DOP1B: variants seen among roughly 807,000 people sequenced by gnomAD.
The protein encoded by DOP1B is protein DOP1B.
DOP1B carries 174 observed loss-of-function variants against 233.5 expected under a neutral mutation model. The ratio of observed to expected loss-of-function variants is 0.75; its 90% confidence interval spans 0.66 to 0.85. The LOEUF (loss-of-function observed/expected upper bound fraction) is 0.85, where lower values mean the gene tolerates loss of function less well. Ranked by LOEUF, DOP1B falls within the 40% of genes least tolerant of loss-of-function variation. The pLI, the probability that DOP1B is intolerant of heterozygous loss-of-function variation, is 0.00. For missense variants in DOP1B, 2,652 were observed against 2,846.6 expected, an observed-to-expected ratio of 0.93 and a Z score of 1.56; for synonymous variants, 1,190 against 1,185.6, an observed-to-expected ratio of 1.00 and a Z score of -0.08.
At chr21:36,233,938 C>T (rs1298077382) in intron 15 of DOP1B, among the ~76,000 whole-genome samples, 1 of 152,142 alleles carries the variant, frequency 6.6e-6, no homozygotes, top group African/African-American at 2.4e-5. Flanking sequence ...ACTGCAACCT[C>T]TGCCTCCCAT....
rs528967790 is a variant in DOP1B at position 36,217,151 on chromosome 21, C to T, written c.1130-2221C>T. Among the ~76,000 whole-genome samples the T allele has an allele frequency of 1.5e-4, 23 of 151,670 alleles. 1 individual carries two copies. In the East Asian group the frequency reaches 2.3e-3, roughly 15 times the overall value. ...CTCTGGCCTTGGGATGGAGGCCCTTCGCTTATCCATTCAAAAGCACAGAGC... is the reference window on the plus strand; with the variant it reads ...CTCTGGCCTTGGGATGGAGGCCCTTTGCTTATCCATTCAAAAGCACAGAGC... On this transcript the variant is annotated intron_variant, in intron 9 of 36. Coordinates refer to ENST00000691173, the MANE Select transcript of DOP1B (RefSeq NM_001320714.2).
At chr21:36,209,025 T>G in intron 5 of DOP1B, 121 bp downstream of exon 5, 2 of 1,145,382 alleles carry the variant, frequency 1.7e-6, no homozygotes, top group Non-Finnish European at 2.3e-6. Flanking sequence ...GCACCAAGCT[T>G]AAGTCTGGGT....
chr21:36,276,134 G>A (rs1268281195), intron 27 of DOP1B, among the ~76,000 whole-genome samples: 6 of 152,078 alleles, frequency 3.9e-5, no homozygotes, highest in Non-Finnish European at 1.5e-5. Flanking sequence ...GCATCCAAAG[G>A]GGTCGTGCAG....
chr21:36,228,774 TAAATA>T (rs200418493), intron 13 of DOP1B, among the ~76,000 whole-genome samples: 18,477 of 140,298 alleles, frequency 0.13, 1,455 homozygotes, highest in Non-Finnish European at 0.18. Context: ...TCAAAATAAA[TAAATA>T]AAATAAAATA....
intron 2 of DOP1B, 71 bp from the exon 3 acceptor site, chr21:36,198,999 C>T (rs983986585): frequency 6.6e-7 from 1 of 1,510,346 alleles, no homozygotes; most frequent in Non-Finnish European, 9.0e-7. Flanking sequence ...TCTCTGGCTT[C>T]AGCAGATCCA....
intron 2 of DOP1B, among the ~76,000 whole-genome samples, chr21:36,181,246 C>A (rs80153025): frequency 7.3e-5 from 11 of 151,712 alleles, no homozygotes; most frequent in African/African-American, 2.4e-4. Flanking sequence ...CTCTTCTACA[C>A]GGTCATTCCA....
intron 2 of DOP1B, among the ~76,000 whole-genome samples, chr21:36,171,292 G>A (rs999713449): frequency 1.9e-4 from 29 of 152,266 alleles, no homozygotes; most frequent in African/African-American, 6.7e-4. Context: ...TGCAGTAGGC[G>A]CAATTATTAG....
At chr21:36,157,725 T>G (rs2065832639) in intron 1 of DOP1B, among the ~76,000 whole-genome samples, 1 of 152,202 alleles carries the variant, frequency 6.6e-6, no homozygotes. Flanking sequence ...CAGAGTTGAT[T>G]AAGCCCATTG....
Position 36,246,553 on chromosome 21 carries a change from C to G in DOP1B, c.4573C>G (p.His1525Asp), listed in dbSNP as rs761406534. ...MHPAWVSLVT[H>D]SLPYFGKSLG... Reference sequence around the variant, plus strand: ...TCCGGCCTGGGTGAGCTTGGTCACGCATTCCTTGCCCTACTTCGGAAAGTC... The same window carrying G: ...TCCGGCCTGGGTGAGCTTGGTCACGGATTCCTTGCCCTACTTCGGAAAGTC... The change falls in exon 19 of 37, where the codon CAT becomes GAT. Residue 1525 changes from histidine to aspartate, a missense_variant. Coordinates refer to ENST00000691173, the MANE Select transcript of DOP1B (RefSeq NM_001320714.2). The surrounding 1 kb of genome is among the most constrained non-coding windows in gnomAD (Gnocchi z 5.1). 6.2e-7 allele frequency: 1 copy of G among 1,614,190 alleles called. No individual in the cohort carries two copies. The highest frequency in any genetic ancestry group is 1.3e-5 in the African/African-American group (1 of 75,072).
intron 15 of DOP1B, among the ~76,000 whole-genome samples, chr21:36,235,341 C>CCCTGAGA (rs1439286920): frequency 4.6e-5 from 7 of 152,074 alleles, no homozygotes; most frequent in Non-Finnish European, 1.0e-4. Flanking sequence ...CCCAAGGGTG[C>CCCTGAGA]CCTGACCTTT....
In DOP1B at chr21:36,214,571, G is replaced by T; in HGVS notation, c.1129+15G>T. 2 of 1,608,690 alleles carry T rather than the reference G, an allele frequency of 1.2e-6. No homozygotes were observed. Among genetic ancestry groups the T allele is most frequent in the Non-Finnish European group, 8.5e-7 (1 of 1,175,692 alleles). ...GCCAGAAATAGGTAATGTTAGAAATGCTGCTTCTATCCTATGCTGAATACA... is the reference window on the plus strand; with the variant it reads ...GCCAGAAATAGGTAATGTTAGAAATTCTGCTTCTATCCTATGCTGAATACA... On this transcript the variant is annotated intron_variant, in intron 9 of 36. Transcript: ENST00000691173.
chr21:36,253,636 T>TC, intron 22 of DOP1B, 136 bp from the exon 23 acceptor site: 2 of 743,112 alleles, frequency 2.7e-6, no homozygotes, highest in Non-Finnish European at 4.0e-6. Context: ...AGACCGTGTT[T>TC]CAAAAAAAAA....
At chr21:36,224,096 A>G (rs2066655738) in intron 11 of DOP1B, among the ~76,000 whole-genome samples, 1 of 152,272 alleles carries the variant, frequency 6.6e-6, no homozygotes, top group South Asian at 2.1e-4. Context: ...TCCACAGGCA[A>G]CAGCAAGGCC....
At chr21:36,206,392 G>A (rs2066425504) in intron 4 of DOP1B, among the ~76,000 whole-genome samples, 1 of 152,024 alleles carries the variant, frequency 6.6e-6, no homozygotes, top group Non-Finnish European at 1.5e-5. Context: ...TTAGCCCAGT[G>A]TGGCAGCATG....
chr21:36,198,622 C>T (rs1233399920), intron 2 of DOP1B, among the ~76,000 whole-genome samples: 1 of 152,140 alleles, frequency 6.6e-6, no homozygotes, highest in African/African-American at 2.4e-5. Flanking sequence ...GGAAGCCTAG[C>T]TTGGGACTAC....
At chr21:36,285,876 C>T (rs1230511001) in intron 32 of DOP1B, among the ~76,000 whole-genome samples, 1 of 151,888 alleles carries the variant, frequency 6.6e-6, no homozygotes, top group Non-Finnish European at 1.5e-5. Context: ...AGCATGGTTT[C>T]AGGCGCCTAT....
chr21:36,211,499 T>C, intron 5 of DOP1B, 54 bp from the exon 6 acceptor site: 1 of 1,546,776 alleles, frequency 6.5e-7, no homozygotes, highest in East Asian at 2.2e-5. Flanking sequence ...TACTTTCGTT[T>C]TTATGACCAT....
chr21:36,262,843 A>T (rs2067186262), intron 24 of DOP1B, among the ~76,000 whole-genome samples: 1 of 152,050 alleles, frequency 6.6e-6, no homozygotes, highest in Non-Finnish European at 1.5e-5. Context: ...GTGAGCTCAG[A>T]TCGTGCCACT....
intron 2 of DOP1B, among the ~76,000 whole-genome samples, chr21:36,197,299 A>T (rs1314794644): frequency 6.6e-6 from 1 of 152,160 alleles, no homozygotes; most frequent in Non-Finnish European, 1.5e-5. Flanking sequence ...CAGATATCTG[A>T]TGAAAAATAT....
Sources: gnomAD v4.1 joint callset for allele counts (sites outside exome capture counted in the v4.1 genomes callset) on GRCh38, gnomAD v4.1.1 for gene constraint, Gnocchi (gnomAD v3.1) non-coding constraint, MANE v1.5 for transcripts, NCBI Gene and HGNC (gene_info 2026-07-23, HGNC 2026-07-21) for gene names.